CTNND2: variants seen among roughly 807,000 people sequenced by gnomAD.
CTNND2 encodes catenin delta 2.
CTNND2 carries 22 observed loss-of-function variants against 144.4 expected under a neutral mutation model. The observed-to-expected ratio is 0.15, with a 90% CI of 0.11 to 0.22. CTNND2 has a LOEUF of 0.22. Among genes scored for constraint, CTNND2 ranks in the 10% least tolerant of loss-of-function variants. The pLI is 1.00. For synonymous variants in CTNND2, 751 were observed against 695.6 expected (o/e 1.08, Z -1.25); for missense variants, 1,353 against 1,618.8 (o/e 0.84, Z 2.82).
chr5:11,456,971 T>A (rs1484598498), intron 3 of CTNND2, among the ~76,000 whole-genome samples: 1 of 152,232 alleles, frequency 6.6e-6, no homozygotes, highest in Non-Finnish European at 1.5e-5. Flanking sequence ...AACTTGTTCA[T>A]TTTGTAAACT....
chr5:11,253,535 C>G (rs548273664), intron 9 of CTNND2, among the ~76,000 whole-genome samples: 57 of 152,274 alleles, frequency 3.7e-4, no homozygotes, highest in Non-Finnish European at 6.6e-4. Context: ...CCATGTAAGA[C>G]ATGCCTTTCA....
At chr5:11,177,216 T>C (rs974512907) in intron 11 of CTNND2, among the ~76,000 whole-genome samples, 1 of 152,204 alleles carries the variant, frequency 6.6e-6, no homozygotes, top group Non-Finnish European at 1.5e-5. Flanking sequence ...TATAAGTTGA[T>C]GGTAAGGCCC....
At chr5:11,251,645 G>A (rs1338766887) in intron 9 of CTNND2, among the ~76,000 whole-genome samples, 10 of 152,266 alleles carry the variant, frequency 6.6e-5, no homozygotes, top group East Asian at 1.9e-4. Context: ...CAAACGAATC[G>A]TCCTCACGAC....
chr5:11,442,892 T>TAA (rs1764402486), intron 3 of CTNND2, among the ~76,000 whole-genome samples: 2 of 147,016 alleles, frequency 1.4e-5, no homozygotes, highest in Admixed American at 6.8e-5. Context: ...TATATATTTA[T>TAA]TATATATTAG....
chr5:11,192,602 A>C (rs546325809), intron 11 of CTNND2, among the ~76,000 whole-genome samples: 6 of 152,176 alleles, frequency 3.9e-5, no homozygotes, highest in Non-Finnish European at 8.8e-5. Flanking sequence ...TGGAGGACTC[A>C]TCAGGGATGC....
chr5:11,851,737 C>A (rs77443477), intron 1 of CTNND2, among the ~76,000 whole-genome samples: 2 of 152,182 alleles, frequency 1.3e-5, no homozygotes, highest in African/African-American at 2.4e-5. Flanking sequence ...ATGGCCAATT[C>A]CATTTGTGAT....
intron 2 of CTNND2, among the ~76,000 whole-genome samples, chr5:11,666,723 A>T (rs530645182): frequency 4.7e-4 from 72 of 152,158 alleles, no homozygotes; most frequent in Non-Finnish European, 9.4e-4. Context: ...TGTAAAGTGA[A>T]TGAATTCTTC....
intron 3 of CTNND2, among the ~76,000 whole-genome samples, chr5:11,506,348 A>G (rs1311927465): frequency 6.6e-6 from 1 of 152,196 alleles, no homozygotes; most frequent in Admixed American, 6.5e-5. Context: ...TAGAGATTTA[A>G]AAAATAAGCA....
chr5:11,880,101 C>T (rs372629088), intron 1 of CTNND2, among the ~76,000 whole-genome samples: 10 of 152,198 alleles, frequency 6.6e-5, no homozygotes, highest in East Asian at 3.9e-4. Context: ...CTGCTGAAAC[C>T]GGGAATTATT....
At chr5:11,142,063 T>C (rs1406966674) in intron 12 of CTNND2, among the ~76,000 whole-genome samples, 1 of 152,142 alleles carries the variant, frequency 6.6e-6, no homozygotes, top group Non-Finnish European at 1.5e-5. Flanking sequence ...GCCCTCACCA[T>C]ATGCCAGCCC....
At chr5:11,278,407 T>C (rs1746776883) in intron 9 of CTNND2, among the ~76,000 whole-genome samples, 1 of 152,132 alleles carries the variant, frequency 6.6e-6, no homozygotes, top group Admixed American at 6.5e-5. Context: ...GAAGAACAAT[T>C]TTGTCCTCCA....
intron 3 of CTNND2, among the ~76,000 whole-genome samples, chr5:11,431,757 A>G (rs1763307257): frequency 6.6e-6 from 1 of 152,060 alleles, no homozygotes; most frequent in Admixed American, 6.6e-5. Context: ...ATATGGAGTA[A>G]AAGAACCACC....
At chr5:11,374,522 C>G (rs1757735165) in intron 7 of CTNND2, among the ~76,000 whole-genome samples, 1 of 152,156 alleles carries the variant, frequency 6.6e-6, no homozygotes, top group Non-Finnish European at 1.5e-5. Flanking sequence ...GCAGGGCGAT[C>G]TATGACTCGG....
At chr5:11,695,039 C>T (rs972006966) in intron 2 of CTNND2, among the ~76,000 whole-genome samples, 1 of 151,918 alleles carries the variant, frequency 6.6e-6, no homozygotes. Context: ...TTAGGGTTAT[C>T]GAACAGTTAG....
At chr5:11,585,606 A>G (rs533758165) in intron 2 of CTNND2, among the ~76,000 whole-genome samples, 7 of 152,216 alleles carry the variant, frequency 4.6e-5, no homozygotes, top group Non-Finnish European at 5.9e-5. Context: ...AAATCAGACA[A>G]AAATCCCTGC....
intron 3 of CTNND2, among the ~76,000 whole-genome samples, chr5:11,443,515 A>G (rs1764534874): frequency 6.6e-6 from 1 of 151,716 alleles, no homozygotes; most frequent in Admixed American, 6.6e-5. Flanking sequence ...GCATGTGCAG[A>G]TAGATACAGG....
At chr5:11,231,470 T>A (rs988528701) in intron 10 of CTNND2, among the ~76,000 whole-genome samples, 3 of 152,156 alleles carry the variant, frequency 2.0e-5, no homozygotes, top group African/African-American at 7.2e-5. Context: ...TGGTCTCAGA[T>A]AGATATGCGG....
At chr5:11,696,012 C>T (rs777303429) in intron 2 of CTNND2, among the ~76,000 whole-genome samples, 2 of 152,076 alleles carry the variant, frequency 1.3e-5, no homozygotes, top group Non-Finnish European at 2.9e-5. Flanking sequence ...ATACTTTTTA[C>T]AAATATCTAT....
chr5:11,266,827 G>C (rs1745485405), intron 9 of CTNND2, among the ~76,000 whole-genome samples: 1 of 152,224 alleles, frequency 6.6e-6, no homozygotes, highest in South Asian at 2.1e-4. Flanking sequence ...CTTCCAGGGA[G>C]ATACAAATGC....
Sources: allele counts gnomAD v4.1 joint callset (sites outside exome capture counted in the v4.1 genomes callset), GRCh38; gene constraint gnomAD v4.1.1; transcripts MANE v1.5; gene names NCBI Gene and HGNC (gene_info 2026-07-23, HGNC 2026-07-21).